Variants in GATA4 observed in about 807,000 individuals in gnomAD.
The protein encoded by GATA4 is GATA binding protein 4.
GATA4 carries 7 observed loss-of-function variants against 37.9 expected under a neutral mutation model. The ratio of observed to expected loss-of-function variants is 0.18; its 90% CI spans 0.11 to 0.35. The LOEUF is 0.35. GATA4 is among the 10% of genes least tolerant of loss of function. GATA4 has a pLI of 1.00. For synonymous variants in GATA4, 372 were observed against 292.6 expected, an observed-to-expected ratio of 1.27 and a Z score of -2.77; for missense variants, 647 against 653.0, an observed-to-expected ratio of 0.99 and a Z score of 0.10.
Position 11,712,196 on chromosome 8 carries a change from A to G in GATA4, c.616+3268A>G, listed in dbSNP as rs116029656. 8.8e-3 allele frequency among the ~76,000 whole-genome samples: 1,339 copies of G among 152,358 alleles called. 25 individuals are homozygous for G. The highest frequency in any genetic ancestry group is 0.031 in the African/African-American group (1,294 of 41,578). ...ATTGAATAGCCACTCACTGTCATGT[A>G]GAGTTACCAATTTTGCTGGTGTGCC... is the stretch of plus-strand genomic sequence containing the variant. On this transcript the variant is annotated intron_variant, in intron 2 of 6. Coordinates refer to ENST00000532059, the MANE Select transcript of GATA4 (RefSeq NM_001308093.3).
chr8:11,705,917 T>G (rs902328918), intron 1 of GATA4: 7 of 152,182 alleles, frequency 4.6e-5, no homozygotes, highest in African/African-American at 1.4e-4. Flanking sequence ...TCCAAAGTTA[T>G]GAAAGAAAAA....
upstream of GATA4, chr8:11,692,163 C>A: frequency 2.3e-6 from 1 of 427,738 alleles, no homozygotes; most frequent in Non-Finnish European, 3.1e-6. Context: ...AGCCCAGCAG[C>A]CTCACTCCTA....
At chr8:11,734,803 A>G (rs1318730555) in intron 2 of GATA4, among the ~76,000 whole-genome samples, 1 of 152,102 alleles carries the variant, frequency 6.6e-6, no homozygotes, top group Non-Finnish European at 1.5e-5. Context: ...GTCTCTTCTT[A>G]TAAGGGTACT....
At chr8:11,700,673 TC>T (rs1799645984), upstream of GATA4, 1 of 152,258 alleles carries the variant, frequency 6.6e-6, no homozygotes. Flanking sequence ...GTTGCAGGAC[TC>T]GGCATTCGTT....
At chr8:11,742,729 C>T (rs1801811508) in intron 2 of GATA4, among the ~76,000 whole-genome samples, 1 of 152,270 alleles carries the variant, frequency 6.6e-6, no homozygotes, top group Non-Finnish European at 1.5e-5. Context: ...ACCCAGGGCT[C>T]AAGAGCTGCC....
intron 2 of GATA4, among the ~76,000 whole-genome samples, chr8:11,747,262 T>C (rs1802078188): frequency 6.6e-6 from 1 of 152,210 alleles, no homozygotes; most frequent in Non-Finnish European, 1.5e-5. Flanking sequence ...CCAGGCTTTA[T>C]AGAGACTACG....
chr8:11,708,509 C>T lies in GATA4; in HGVS notation c.197C>T (p.Ala66Val). ...GGCGCGGGCTCTGCGTCCGGAGGCG[C>T]CTCGGGCGGCAGCTCCGGTGGGGCC... ...GGGAGSASGG[A>V]SGGSSGGAAS... The change falls in exon 2 of 7, where the codon GCC (alanine) becomes GTC (valine). Residue 66 changes from alanine (A) to valine (V), a missense_variant. This residue lies in a region of GATA4 where 379 missense variants were observed against 334.5 expected (regional missense o/e 1.13). Transcript: ENST00000532059. The surrounding 1 kb of genome is among the most constrained non-coding windows in gnomAD (Gnocchi z 6.7). 3 of 1,474,816 alleles carry T rather than the reference C, an allele frequency of 2.0e-6. No homozygotes were observed. The highest frequency in any genetic ancestry group is 2.7e-6 in the Non-Finnish European group (3 of 1,120,288). 91.4% of individuals were successfully genotyped at this position (1,474,816 alleles called of 1,614,324 possible).
intron 2 of GATA4, among the ~76,000 whole-genome samples, chr8:11,718,698 C>G (rs536033769): frequency 1.3e-5 from 2 of 152,228 alleles, no homozygotes; most frequent in Non-Finnish European, 2.9e-5. Flanking sequence ...AAAATCTAAT[C>G]AGTCCTTAAG....
At chr8:11,718,055 T>C (rs1005389631) in intron 2 of GATA4, among the ~76,000 whole-genome samples, 1 of 152,208 alleles carries the variant, frequency 6.6e-6, no homozygotes, top group African/African-American at 2.4e-5. Flanking sequence ...TCTCTGAAGA[T>C]TTCAAATATA....
intron 1 of GATA4, chr8:11,697,903 C>T: frequency 1.0e-6 from 1 of 985,470 alleles, no homozygotes; most frequent in Non-Finnish European, 1.2e-6. Flanking sequence ...TGCCAGATCT[C>T]TGGGGGACCC....
chr8:11,709,070 C>T lies in GATA4; in HGVS notation c.616+142C>T, dbSNP rs1360343399. On this transcript the variant is annotated intron_variant, in intron 2 of 6. Coordinates refer to ENST00000532059, the MANE Select transcript of GATA4 (RefSeq NM_001308093.3). The surrounding 1 kb of genome is among the most constrained non-coding windows in gnomAD (Gnocchi z 4.3). ...CACTACCTCGAGTTTCTAGGGAAGG[C>T]AGAAGCCAGTGCGGGGCTGGCGACA... 1 of 898,864 alleles carries T rather than the reference C, an allele frequency of 1.1e-6. No homozygotes were observed. Among genetic ancestry groups the T allele is most frequent in the Non-Finnish European group, 1.6e-6 (1 of 642,226 alleles). The allele number at this position is 898,864 out of a possible 1,614,324, so 55.7% of individuals were successfully genotyped here.
intron 1 of GATA4, among the ~76,000 whole-genome samples, chr8:11,678,298 A>G (rs1035969127): frequency 2.6e-5 from 4 of 152,062 alleles, no homozygotes; most frequent in African/African-American, 9.7e-5. Context: ...ACCTATTACA[A>G]ATATTAGCTT....
upstream of GATA4, chr8:11,691,927 A>AC: frequency 1.2e-6 from 1 of 818,464 alleles, no homozygotes; most frequent in Non-Finnish European, 1.5e-6. Flanking sequence ...AAAAAAAAAA[A>AC]TCAAAAACCA....
At chr8:11,688,345 G>C (rs893038048), upstream of GATA4, among the ~76,000 whole-genome samples, 1 of 152,148 alleles carries the variant, frequency 6.6e-6, no homozygotes, top group African/African-American at 2.4e-5. Flanking sequence ...CTCTATATTT[G>C]ACCTTCAGAC....
chr8:11,714,607 A>T (rs1800355956), intron 2 of GATA4, among the ~76,000 whole-genome samples: 1 of 152,140 alleles, frequency 6.6e-6, no homozygotes, highest in South Asian at 2.1e-4. Context: ...TTAAATAAGA[A>T]AGGTGTGTTG....
At chr8:11,753,341 G>A (rs1585694560) in intron 4 of GATA4, among the ~76,000 whole-genome samples, 1 of 152,162 alleles carries the variant, frequency 6.6e-6, no homozygotes, top group Non-Finnish European at 1.5e-5. Context: ...TGTTTAATGG[G>A]TATGGAGTTT....
At chr8:11,720,215 C>T (rs1000547052) in intron 2 of GATA4, among the ~76,000 whole-genome samples, 3 of 151,796 alleles carry the variant, frequency 2.0e-5, no homozygotes, top group East Asian at 1.9e-4. Flanking sequence ...ACTGCTCTAC[C>T]GCCCTTTGGA....
chr8:11,722,904 G>C (rs1396449947), intron 2 of GATA4, among the ~76,000 whole-genome samples: 1 of 152,178 alleles, frequency 6.6e-6, no homozygotes, highest in Non-Finnish European at 1.5e-5. Context: ...TGAATATTTG[G>C]TTACTTGGAG....
At chr8:11,729,232 G>C (rs1327598454) in intron 2 of GATA4, among the ~76,000 whole-genome samples, 1 of 150,838 alleles carries the variant, frequency 6.6e-6, no homozygotes. Context: ...ATCTAGCTGA[G>C]GGAGTTGGGA....
Sources: allele counts gnomAD v4.1 joint callset (sites outside exome capture counted in the v4.1 genomes callset), GRCh38; gene constraint gnomAD v4.1.1; regional missense constraint gnomAD v4.1.1; non-coding constraint Gnocchi (gnomAD v3.1); transcripts MANE v1.5; gene names NCBI Gene and HGNC (gene_info 2026-07-23, HGNC 2026-07-21).